The following DCC variants were observed in gnomAD, a reference collection of about 807,000 sequenced individuals.
The protein encoded by DCC is DCC netrin 1 receptor, also known as netrin receptor DCC.
Under a neutral mutation model 172.5 loss-of-function variants are expected in DCC, and 58 were observed. The observed-to-expected ratio is 0.34, with a 90% CI of 0.27 to 0.42. The LOEUF (loss-of-function observed/expected upper bound fraction) is 0.42. Among genes scored for constraint, DCC ranks in the 10% least tolerant of loss-of-function variants. The pLI, the probability that DCC is intolerant of heterozygous loss-of-function variation, is 1.00. For synonymous variants in DCC, 709 were observed against 644.5 expected (o/e 1.10, Z -1.52); for missense variants, 1,740 against 1,791.0 (o/e 0.97, Z 0.51).
intron 7 of DCC, among the ~76,000 whole-genome samples, chr18:53,096,504 G>A: frequency 6.6e-6 from 1 of 152,156 alleles, no homozygotes. Context: ...GCAGTTGAAT[G>A]GTTAGTTGTG....
At chr18:53,198,114 A>G (rs2055476501) in intron 9 of DCC, among the ~76,000 whole-genome samples, 1 of 152,136 alleles carries the variant, frequency 6.6e-6, no homozygotes, top group African/African-American at 2.4e-5. Context: ...TTATAAAGTA[A>G]TTAACAATCA....
At chr18:52,561,392 C>T (rs2033034220) in intron 1 of DCC, among the ~76,000 whole-genome samples, 1 of 151,570 alleles carries the variant, frequency 6.6e-6, no homozygotes, top group African/African-American at 2.4e-5. Flanking sequence ...CATACACACA[C>T]ACACATATAT....
At chr18:52,342,986 G>A (rs1198698825) in intron 1 of DCC, among the ~76,000 whole-genome samples, 1 of 152,172 alleles carries the variant, frequency 6.6e-6, no homozygotes, top group Non-Finnish European at 1.5e-5. Flanking sequence ...CAGATGTAAG[G>A]AAGGGATACA....
At chr18:52,713,204 T>C (rs925567008) in intron 1 of DCC, among the ~76,000 whole-genome samples, 2 of 152,328 alleles carry the variant, frequency 1.3e-5, no homozygotes, top group Admixed American at 1.3e-4. Context: ...TTTCATTTAT[T>C]ATATTCTGAT....
chr18:52,371,401 A>G (rs1985116615), intron 1 of DCC, among the ~76,000 whole-genome samples: 1 of 152,238 alleles, frequency 6.6e-6, no homozygotes, highest in Non-Finnish European at 1.5e-5. Flanking sequence ...GCAGTAATTT[A>G]TATTTTGTGA....
chr18:52,783,361 T>TAA (rs1568100540), intron 2 of DCC, among the ~76,000 whole-genome samples: 1 of 107,870 alleles, frequency 9.3e-6, no homozygotes, highest in Non-Finnish European at 1.9e-5. Context: ...TTTTTTTTTT[T>TAA]ACAACACAAA....
intron 23 of DCC, among the ~76,000 whole-genome samples, chr18:53,453,760 G>C (rs1406391830): frequency 6.6e-6 from 1 of 152,086 alleles, no homozygotes; most frequent in Non-Finnish European, 1.5e-5. Flanking sequence ...CTTAATACTT[G>C]GGTGGCAGTT....
At chr18:52,540,256 C>T (rs1328987083) in intron 1 of DCC, among the ~76,000 whole-genome samples, 1 of 152,006 alleles carries the variant, frequency 6.6e-6, no homozygotes, top group Non-Finnish European at 1.5e-5. Context: ...GGCAATATAG[C>T]AAGGCCTTGT....
At chr18:53,428,832 ATATATTT>A (rs1481473368) in intron 21 of DCC, among the ~76,000 whole-genome samples, 1 of 27,214 alleles carries the variant, frequency 3.7e-5, no homozygotes, top group Admixed American at 8.6e-4. Context: ...ATTATATATT[ATATATTT>A]TATATATAAT....
chr18:53,198,235 G>A (rs2055478559), intron 9 of DCC, among the ~76,000 whole-genome samples: 1 of 152,076 alleles, frequency 6.6e-6, no homozygotes, highest in South Asian at 2.1e-4. Flanking sequence ...TAGAAGCTCA[G>A]ATACAATGAT....
intron 5 of DCC, among the ~76,000 whole-genome samples, chr18:52,967,058 A>G (rs891746051): frequency 2.6e-5 from 4 of 152,170 alleles, no homozygotes; most frequent in African/African-American, 9.7e-5. Flanking sequence ...CAGAAGCAGC[A>G]TGCTTAAATC....
chr18:52,905,226 A>C (rs1017937632), intron 2 of DCC, among the ~76,000 whole-genome samples: 4 of 151,474 alleles, frequency 2.6e-5, no homozygotes, highest in East Asian at 1.9e-4. Context: ...TGGCCAGTTT[A>C]TTTCTTTTAT....
chr18:52,608,947 G>A (rs1307289837), intron 1 of DCC, among the ~76,000 whole-genome samples: 3 of 152,150 alleles, frequency 2.0e-5, no homozygotes, highest in African/African-American at 7.2e-5. Context: ...TCAGGAAAAT[G>A]AATTCCTGTG....
At chr18:53,242,465 A>T (rs1166726206) in intron 12 of DCC, among the ~76,000 whole-genome samples, 1 of 152,192 alleles carries the variant, frequency 6.6e-6, no homozygotes, top group East Asian at 1.9e-4. Context: ...TAAGTTGAAG[A>T]GGGGGTAAAT....
intron 1 of DCC, among the ~76,000 whole-genome samples, chr18:52,486,130 A>G (rs907745667): frequency 2.0e-5 from 3 of 152,056 alleles, no homozygotes; most frequent in African/African-American, 7.2e-5. Flanking sequence ...GAGTAGCGAT[A>G]TTTATTTTAT....
At chr18:52,374,695 A>T (rs1985272100) in intron 1 of DCC, among the ~76,000 whole-genome samples, 1 of 152,198 alleles carries the variant, frequency 6.6e-6, no homozygotes, top group Admixed American at 6.5e-5. Context: ...CATAATATCA[A>T]CTTTGAGCTG....
rs574522556 is a variant in DCC at position 52,448,325 on chromosome 18, C to T, written c.91+107447C>T. 1.6e-3 allele frequency among the ~76,000 whole-genome samples: 250 copies of T among 152,248 alleles called. 1 individual carries two copies. Among genetic ancestry groups the T allele is most frequent in the African/African-American group, 5.6e-3 (234 of 41,536 alleles). ...AAAATTGTCTTCCACGAATTCGGTCCCTCATGCCAAAAAGGTCAGAGACTG... is the reference window on the plus strand; with the variant it reads ...AAAATTGTCTTCCACGAATTCGGTCTCTCATGCCAAAAAGGTCAGAGACTG... On this transcript the variant is annotated intron_variant, in intron 1 of 28. Transcript: ENST00000442544.
chr18:52,450,191 T>A lies in DCC; in HGVS notation c.91+109313T>A, dbSNP rs1033915758. On this transcript the variant is annotated intron_variant, in intron 1 of 28. Transcript: ENST00000442544. Reference sequence around the variant, plus strand: ...TTCAGGAATGTTCGCCAACAGCCACTTCATTTCATTATTTTTATAGTAACA... The same window carrying A: ...TTCAGGAATGTTCGCCAACAGCCACATCATTTCATTATTTTTATAGTAACA... Among the ~76,000 whole-genome samples the A allele has an allele frequency of 2.0e-5, 3 of 152,310 alleles. No individual in the cohort carries two copies. The South Asian group carries it at 6.2e-4, about 32-fold the overall frequency.
intron 2 of DCC, among the ~76,000 whole-genome samples, chr18:52,798,205 A>G (rs2037915004): frequency 6.6e-6 from 1 of 152,204 alleles, no homozygotes; most frequent in African/African-American, 2.4e-5. Flanking sequence ...CAAGCTTTGC[A>G]ATACATAATT....
Sources: gnomAD v4.1 joint callset for allele counts (sites outside exome capture counted in the v4.1 genomes callset) on GRCh38, gnomAD v4.1.1 for gene constraint, MANE v1.5 for transcripts, NCBI Gene and HGNC (gene_info 2026-07-23, HGNC 2026-07-21) for gene names.